The following ANKS1B variants were observed in gnomAD, a reference collection of about 807,000 sequenced individuals.
ANKS1B encodes the protein ankyrin repeat and sterile alpha motif domain containing 1B, also known as ankyrin repeat and sterile alpha motif domain-containing protein 1B.
A neutral mutation model predicts 148.3 loss-of-function variants in ANKS1B; 36 were observed. The ratio of observed to expected loss-of-function variants is 0.24; its 90% confidence interval spans 0.19 to 0.32. The LOEUF (loss-of-function observed/expected upper bound fraction) is 0.32. ANKS1B is among the 10% of genes least tolerant of loss of function. The pLI, the probability that ANKS1B is intolerant of heterozygous loss-of-function variation, is 1.00. For synonymous variants in ANKS1B, 542 were observed against 560.8 expected, an observed-to-expected ratio of 0.97 and a Z score of 0.47; for missense variants, 1,157 against 1,542.6, an observed-to-expected ratio of 0.75 and a Z score of 4.19.
chr12:99,327,282 A>C (rs1197360764), intron 12 of ANKS1B, among the ~76,000 whole-genome samples: 1 of 115,802 alleles, frequency 8.6e-6, no homozygotes, highest in Non-Finnish European at 1.6e-5. Context: ...ATTTATTATA[A>C]TTATAACATA....
chr12:99,431,941 A>C (rs936749817), intron 11 of ANKS1B, among the ~76,000 whole-genome samples: 2 of 152,182 alleles, frequency 1.3e-5, no homozygotes, highest in African/African-American at 4.8e-5. Context: ...CAGATCTCTC[A>C]TGAATGGCTT....
chr12:99,661,321 A>T (rs1361272026), intron 8 of ANKS1B, among the ~76,000 whole-genome samples: 1 of 152,186 alleles, frequency 6.6e-6, no homozygotes, highest in African/African-American at 2.4e-5. Flanking sequence ...TTAATCACTT[A>T]TGTCTTTAGA....
At chr12:98,956,781 T>C (rs2099862919) in intron 17 of ANKS1B, among the ~76,000 whole-genome samples, 1 of 152,168 alleles carries the variant, frequency 6.6e-6, no homozygotes, top group African/African-American at 2.4e-5. Context: ...AATGCTGCAT[T>C]GTACGCAGAC....
intron 17 of ANKS1B, among the ~76,000 whole-genome samples, chr12:98,946,236 T>A (rs999294831): frequency 1.3e-5 from 2 of 152,222 alleles, no homozygotes; most frequent in African/African-American, 4.8e-5. Flanking sequence ...ATTCTAGAAC[T>A]TCTGCAGGCA....
chr12:99,545,737 T>C (rs1171015233), intron 9 of ANKS1B, among the ~76,000 whole-genome samples: 1 of 148,538 alleles, frequency 6.7e-6, no homozygotes, highest in African/African-American at 2.5e-5. Flanking sequence ...TTTTGCAATA[T>C]ATATATACAC....
chr12:99,740,097 C>G (rs2059951350), intron 8 of ANKS1B, among the ~76,000 whole-genome samples: 1 of 152,056 alleles, frequency 6.6e-6, no homozygotes, highest in Non-Finnish European at 1.5e-5. Context: ...ATCACTTGAG[C>G]CCAAGTGTTC....
At chr12:99,112,931 T>C (rs1279791066) in intron 15 of ANKS1B, among the ~76,000 whole-genome samples, 1 of 152,202 alleles carries the variant, frequency 6.6e-6, no homozygotes. Context: ...GTTACAAAGA[T>C]AAATAAGACA....
At chr12:98,920,371 C>A (rs1027747089) in intron 17 of ANKS1B, among the ~76,000 whole-genome samples, 1 of 152,140 alleles carries the variant, frequency 6.6e-6, no homozygotes, top group African/African-American at 2.4e-5. Flanking sequence ...TTTCATGCTG[C>A]TGATAAAGAC....
intron 1 of ANKS1B, among the ~76,000 whole-genome samples, chr12:99,868,984 G>A (rs1299939512): frequency 2.6e-5 from 4 of 152,158 alleles, no homozygotes; most frequent in Admixed American, 1.3e-4. Flanking sequence ...TTGAACTCGG[G>A]AGGCAGAGGT....
Position 98,949,128 on chromosome 12 carries a change from A to G in ANKS1B, c.2778+104029T>C, listed in dbSNP as rs1047018391. 3.3e-5 allele frequency among the ~76,000 whole-genome samples: 5 copies of G among 151,058 alleles called. No individual in the cohort carries two copies. The South Asian group carries it at 1.0e-3, about 31-fold the overall frequency. On this transcript the variant is annotated intron_variant, in intron 17 of 26. Coordinates refer to ENST00000683438, the MANE Select transcript of ANKS1B (RefSeq NM_001352186.2). Reference sequence around the variant, plus strand: ...CCAACACACCCAGCTAATTTTTTGTATTTTTAGTAGAGTCAGGGTTTCACT... The same window carrying G: ...CCAACACACCCAGCTAATTTTTTGTGTTTTTAGTAGAGTCAGGGTTTCACT...
At chr12:98,910,493 A>G (rs2099785278) in intron 17 of ANKS1B, among the ~76,000 whole-genome samples, 1 of 152,222 alleles carries the variant, frequency 6.6e-6, no homozygotes, top group Non-Finnish European at 1.5e-5. Flanking sequence ...AGGAAACAGA[A>G]TTAGCTTCAA....
chr12:99,490,169 C>T (rs2096541988), intron 10 of ANKS1B, among the ~76,000 whole-genome samples: 1 of 152,134 alleles, frequency 6.6e-6, no homozygotes, highest in Admixed American at 6.5e-5. Flanking sequence ...AGTATGTCCT[C>T]AACAAACGTT....
chr12:99,001,411 G>A (rs755091531), intron 17 of ANKS1B, among the ~76,000 whole-genome samples: 5 of 152,272 alleles, frequency 3.3e-5, no homozygotes, highest in African/African-American at 7.2e-5. Flanking sequence ...ATATAGGCAT[G>A]AGCCACCATG....
intron 10 of ANKS1B, among the ~76,000 whole-genome samples, chr12:99,450,990 C>T (rs1448516817): frequency 1.3e-5 from 2 of 152,082 alleles, no homozygotes; most frequent in Non-Finnish European, 2.9e-5. Context: ...ACCAATTATC[C>T]AGTGGACTTG....
intron 11 of ANKS1B, among the ~76,000 whole-genome samples, chr12:99,427,092 A>G (rs1380314826): frequency 1.3e-5 from 2 of 152,156 alleles, no homozygotes; most frequent in Non-Finnish European, 2.9e-5. Flanking sequence ...ATAACTGTAC[A>G]TGTTCTCTTG....
At position 99,364,225 on chromosome 12, in the gene ANKS1B, G is replaced by C. The variant is rs914321516; in HGVS notation, c.1756+35406C>G. On this transcript the variant is annotated intron_variant, in intron 12 of 26. Transcript: ENST00000683438. ...AATTCATGGACTCATGCAAAGTACA[G>C]TGATTTATTAATGAAGAGTTAGAAT... Among the ~76,000 whole-genome samples, 6 of 152,172 alleles carry C rather than the reference G, an allele frequency of 3.9e-5. 1 individual carries two copies. Among genetic ancestry groups the C allele is most frequent in the African/African-American group, 1.4e-4 (6 of 41,538 alleles).
intron 12 of ANKS1B, among the ~76,000 whole-genome samples, chr12:99,342,679 A>C (rs1439489152): frequency 6.6e-6 from 1 of 152,078 alleles, no homozygotes; most frequent in African/African-American, 2.4e-5. Flanking sequence ...GATAGTCTAC[A>C]TTAACACTTT....
At chr12:99,311,878 A>G (rs2083228335) in intron 12 of ANKS1B, among the ~76,000 whole-genome samples, 2 of 152,244 alleles carry the variant, frequency 1.3e-5, no homozygotes, top group South Asian at 4.1e-4. Context: ...AAATAGAATG[A>G]CAGAAATGAA....
intron 12 of ANKS1B, among the ~76,000 whole-genome samples, chr12:99,300,444 A>G (rs1347130958): frequency 6.6e-6 from 1 of 152,166 alleles, no homozygotes; most frequent in Non-Finnish European, 1.5e-5. Context: ...CACTAAGTTT[A>G]GAACATCACA....
Sources: gnomAD v4.1 joint callset for allele counts (sites outside exome capture counted in the v4.1 genomes callset) on GRCh38, gnomAD v4.1.1 for gene constraint, MANE v1.5 for transcripts, NCBI Gene and HGNC (gene_info 2026-07-23, HGNC 2026-07-21) for gene names.